VIPR2: variants seen among roughly 807,000 people sequenced by gnomAD.
VIPR2 encodes the protein vasoactive intestinal peptide receptor 2, also known as vasoactive intestinal polypeptide receptor 2.
VIPR2 carries 48 observed loss-of-function variants against 58.0 expected under a neutral mutation model. That is an observed-to-expected ratio of 0.83 (90% CI 0.66 to 1.05). The LOEUF is 1.05. Among genes scored for constraint, VIPR2 ranks in the 50% least tolerant of loss-of-function variants. The pLI is 0.00. For synonymous variants in VIPR2, 243 were observed against 235.2 expected, an observed-to-expected ratio of 1.03 and a Z score of -0.30; for missense variants, 534 against 558.0, an observed-to-expected ratio of 0.96 and a Z score of 0.43.
intron 8 of VIPR2, among the ~76,000 whole-genome samples, chr7:159,035,437 C>A (rs2129492949): frequency 6.6e-6 from 1 of 152,330 alleles, no homozygotes. Flanking sequence ...GTAACTGATG[C>A]ACACTGAGGC....
In VIPR2 at chr7:159,124,926, G is replaced by A. The variant is rs191482922; in HGVS notation, c.152-15007C>T. 2.9e-3 allele frequency among the ~76,000 whole-genome samples: 445 copies of A among 152,176 alleles called. 2 individuals carry two copies. Among genetic ancestry groups the A allele is most frequent in the African/African-American group, 0.01 (429 of 41,506 alleles). The stretch of plus-strand genomic sequence containing the variant: ...TGAATGGGGCTGCCTTCCTGATTTG[G>A]CTCCTAGTTTGGCTGTTGTTGGTAT... On this transcript the variant is annotated intron_variant, in intron 2 of 12. Coordinates refer to ENST00000262178, the MANE Select transcript of VIPR2 (RefSeq NM_003382.5).
intron 4 of VIPR2, among the ~76,000 whole-genome samples, chr7:159,078,172 T>A (rs2540354): frequency 0.27 from 41,557 of 152,160 alleles, 6,774 homozygotes; most frequent in Middle Eastern, 0.41. Flanking sequence ...ACATTGAAAC[T>A]TCCCCCCCTC....
At chr7:159,129,353 G>A (rs2129497338) in intron 2 of VIPR2, among the ~76,000 whole-genome samples, 1 of 141,654 alleles carries the variant, frequency 7.1e-6, no homozygotes, top group Middle Eastern at 3.7e-3. Flanking sequence ...ACAGGGCCAG[G>A]TGACCAGCTT....
intron 4 of VIPR2, among the ~76,000 whole-genome samples, chr7:159,065,149 G>T (rs912851831): frequency 4.6e-5 from 7 of 152,216 alleles, no homozygotes; most frequent in Non-Finnish European, 1.0e-4. Context: ...CTGGGGAGTG[G>T]AAGATCTGAG....
chr7:159,111,943 C>T (rs139813057), intron 2 of VIPR2, among the ~76,000 whole-genome samples: 1 of 151,950 alleles, frequency 6.6e-6, no homozygotes, highest in East Asian at 1.9e-4. Context: ...CCTGGGAGGT[C>T]GAGGTTGCAG....
chr7:159,059,269 A>C (rs1240963530), intron 4 of VIPR2: 18 of 467,144 alleles, frequency 3.9e-5, no homozygotes, highest in Non-Finnish European at 4.4e-6. Context: ...CTGTTGCGAT[A>C]AAAACCAGCA....
intron 4 of VIPR2, among the ~76,000 whole-genome samples, chr7:159,100,688 C>T (rs888567575): frequency 9.2e-5 from 14 of 152,262 alleles, no homozygotes; most frequent in African/African-American, 3.4e-4. Context: ...CAGGCCGTTC[C>T]CCTGACTGTT....
chr7:159,042,949 C>G, intron 6 of VIPR2, 86 bp downstream of exon 6: 1 of 1,501,246 alleles, frequency 6.7e-7, no homozygotes, highest in Non-Finnish European at 9.0e-7. Flanking sequence ...GAACCCTGCA[C>G]CAGCACAGAG....
chr7:159,045,955 ACTAT>A (rs1372865540), intron 5 of VIPR2, among the ~76,000 whole-genome samples: 9 of 151,202 alleles, frequency 6.0e-5, no homozygotes, highest in East Asian at 3.9e-4. Flanking sequence ...CAAAAACTCA[ACTAT>A]CTATTTCTCC....
intron 4 of VIPR2, among the ~76,000 whole-genome samples, chr7:159,102,777 C>T (rs187791383): frequency 4.6e-5 from 7 of 152,270 alleles, no homozygotes; most frequent in South Asian, 2.1e-4. Flanking sequence ...TGGTTTTGCC[C>T]GGAATGCTGT....
In VIPR2 at chr7:159,136,188, GC is replaced by G. The variant is rs915484866; in HGVS notation, c.151+6257del. Among the ~76,000 whole-genome samples, 235 of 152,266 alleles carry G rather than the reference GC, an allele frequency of 1.5e-3. 1 individual carries two copies. The highest frequency in any genetic ancestry group is 5.5e-3 in the African/African-American group (229 of 41,544). On this transcript the variant is annotated intron_variant, in intron 2 of 12. Coordinates refer to ENST00000262178, the MANE Select transcript of VIPR2 (RefSeq NM_003382.5). ...AGTGGCCACAATGGCTTTCTTGCTGGCGGGGACTTTTCAGGGTTCCCAGGTG... is the reference window on the plus strand; with the variant it reads ...AGTGGCCACAATGGCTTTCTTGCTGGGGGGACTTTTCAGGGTTCCCAGGTG...
At position 159,058,554 on chromosome 7, in the gene VIPR2, C is replaced by T. The variant is rs755680973; in HGVS notation, c.382G>A (p.Ala128Thr). The change falls in exon 5 of 13, where the codon GCC (alanine) becomes ACC (threonine). Residue 128 changes from alanine (A) to threonine (T), a missense_variant. Physicochemically the swap from Ala to Thr is moderately conservative, Grantham distance 58 (BLOSUM62 0). Coordinates refer to ENST00000262178, the MANE Select transcript of VIPR2 (RefSeq NM_003382.5). ...ACACTGTAGCCCAGTGTATAAATGG[C>T]CTTCACCAGAATATAAAACGTGATC... ...SKITFYILVK[A>T]IYTLGYSVSL... The T allele has an allele frequency of 1.1e-5, 17 of 1,612,576 alleles. No homozygotes were observed. In the Admixed American group the frequency reaches 2.2e-4, roughly 21 times the overall value.
intron 4 of VIPR2, among the ~76,000 whole-genome samples, chr7:159,060,459 T>C (rs1855584236): frequency 1.3e-5 from 2 of 151,884 alleles, no homozygotes; most frequent in Admixed American, 1.3e-4. Context: ...TCAATTCATC[T>C]AACCCATACT....
At chr7:159,034,738 G>T in intron 8 of VIPR2, 88 bp from the exon 9 acceptor site, 1 of 1,063,238 alleles carries the variant, frequency 9.4e-7, no homozygotes, top group Non-Finnish European at 1.5e-6. Flanking sequence ...CTCCCAACTT[G>T]CCCACTCCCC....
intron 2 of VIPR2, among the ~76,000 whole-genome samples, chr7:159,136,673 T>C (rs1315477638): frequency 6.6e-6 from 1 of 151,976 alleles, no homozygotes; most frequent in African/African-American, 2.4e-5. Context: ...AACCCCCGCG[T>C]CAACACAGTC....
chr7:159,034,072 G>C, intron 10 of VIPR2, 141 bp downstream of exon 10: 1 of 741,182 alleles, frequency 1.3e-6, no homozygotes, highest in Non-Finnish European at 2.2e-6. Context: ...GGCAGGAGCA[G>C]AGCCCTGGGG....
rs114408917 is a variant in VIPR2, at chr7:159,097,651, C to A, written c.357+6106G>T. ...CAAATCACCAAGGAGAATTCCCACT[C>A]CTTTTGGGCTTTTGACACAACGTAT... is the stretch of plus-strand genomic sequence containing the variant. On this transcript the variant is annotated intron_variant, in intron 4 of 12. Coordinates refer to ENST00000262178, the MANE Select transcript of VIPR2 (RefSeq NM_003382.5). This position sits in a 1 kb window ranked among gnomAD's most constrained non-coding sequence, Gnocchi z 5.3. 5.2e-3 allele frequency among the ~76,000 whole-genome samples: 787 copies of A among 152,296 alleles called. 9 individuals carry two copies. The highest frequency in any genetic ancestry group is 0.018 in the African/African-American group (732 of 41,562).
At chr7:159,100,076 C>T (rs570496302) in intron 4 of VIPR2, among the ~76,000 whole-genome samples, 12 of 152,302 alleles carry the variant, frequency 7.9e-5, no homozygotes, top group East Asian at 5.8e-4. Context: ...GCATCTTAGA[C>T]GGGCCCACAG....
intron 5 of VIPR2, among the ~76,000 whole-genome samples, chr7:159,057,620 G>C (rs895341449): frequency 5.9e-5 from 9 of 152,232 alleles, no homozygotes; most frequent in Non-Finnish European, 8.8e-5. Context: ...TTTTAGCAAA[G>C]AGAAATAAAA....
Sources: gnomAD v4.1 joint callset for allele counts (sites outside exome capture counted in the v4.1 genomes callset) on GRCh38, gnomAD v4.1.1 for gene constraint, Gnocchi (gnomAD v3.1) non-coding constraint, MANE v1.5 for transcripts, NCBI Gene and HGNC (gene_info 2026-07-23, HGNC 2026-07-21) for gene names.